Variants in EPS15L1 observed in about 807,000 individuals in gnomAD.
The protein encoded by EPS15L1 is epidermal growth factor receptor substrate 15-like 1.
In EPS15L1, 43 loss-of-function variants were observed where a neutral mutation model predicts 117.1. That is an observed-to-expected ratio of 0.37 (90% CI 0.29 to 0.47). EPS15L1 has a LOEUF of 0.47. EPS15L1 is among the 20% of genes least tolerant of loss of function. The probability of loss-of-function intolerance (pLI) is 0.99; values close to 1 mark genes in which losing one functional copy is unlikely to be tolerated. For synonymous variants in EPS15L1, 459 were observed against 470.5 expected (o/e 0.98, Z 0.32); for missense variants, 981 against 1,164.0 (o/e 0.84, Z 2.29).
At chr19:16,393,233 G>A (rs557412138) in intron 18 of EPS15L1, among the ~76,000 whole-genome samples, 5 of 151,872 alleles carry the variant, frequency 3.3e-5, no homozygotes, top group Non-Finnish European at 2.9e-5. Context: ...CCTTTTGGGG[G>A]GATGAGAATG....
chr19:16,400,545 C>T (rs2092590332), intron 16 of EPS15L1: 3 of 728,842 alleles, frequency 4.1e-6, no homozygotes, highest in South Asian at 6.3e-5. Context: ...ACCTCTCTCT[C>T]GGCTCTGAAG....
rs534704031 is a variant in EPS15L1, at chr19:16,371,662, G to A, written c.2380+5460C>T. Among the ~76,000 whole-genome samples, 43 of 152,312 alleles carry A rather than the reference G, an allele frequency of 2.8e-4. No individual in the cohort carries two copies. The highest frequency in any genetic ancestry group is 8.2e-4 in the African/African-American group (34 of 41,570). On this transcript the variant is annotated intron_variant, in intron 22 of 23. Transcript: ENST00000455140. This position sits in a 1 kb window ranked among gnomAD's most constrained non-coding sequence, Gnocchi z 4.7. ...GGCAGGAACCGCAACGCAGGGCCGC[G>A]CTGGCAGGAAGTGGCAAGGGTGGGG... is the stretch of plus-strand genomic sequence containing the variant.
intron 13 of EPS15L1, among the ~76,000 whole-genome samples, chr19:16,412,155 C>A (rs968784484): frequency 6.6e-6 from 1 of 151,648 alleles, no homozygotes; most frequent in African/African-American, 2.4e-5. Context: ...AGATGCAGAA[C>A]CCTTGGATAC....
At chr19:16,450,901 T>C (rs974208195) in intron 1 of EPS15L1, among the ~76,000 whole-genome samples, 1 of 152,146 alleles carries the variant, frequency 6.6e-6, no homozygotes, top group East Asian at 1.9e-4. Context: ...GATGCAATAC[T>C]GTACCACCAT....
intron 16 of EPS15L1, chr19:16,400,700 T>G (rs1410288722): frequency 3.0e-6 from 3 of 985,328 alleles, no homozygotes; most frequent in East Asian, 2.3e-4. Context: ...GTTGCAAGTT[T>G]CCATGTAACG....
chr19:16,458,424 G>T (rs2093216973), intron 1 of EPS15L1, among the ~76,000 whole-genome samples: 1 of 152,186 alleles, frequency 6.6e-6, no homozygotes, highest in South Asian at 2.1e-4. Flanking sequence ...AAGGACAGGG[G>T]CTCTGTCCTG....
At chr19:16,462,182 AG>A (rs35820633) in intron 1 of EPS15L1, among the ~76,000 whole-genome samples, 1 of 152,230 alleles carries the variant, frequency 6.6e-6, no homozygotes, top group Non-Finnish European at 1.5e-5. Context: ...AAACAAGCAC[AG>A]GGACAATGGC....
intron 22 of EPS15L1, among the ~76,000 whole-genome samples, chr19:16,372,949 A>C (rs186857228): frequency 8.5e-4 from 129 of 152,346 alleles, no homozygotes; most frequent in Middle Eastern, 6.8e-3. Context: ...TCCTGGCCTC[A>C]CACATCAGCC....
chr19:16,429,415 C>T (rs755905497), intron 7 of EPS15L1, among the ~76,000 whole-genome samples: 4 of 152,338 alleles, frequency 2.6e-5, no homozygotes, highest in South Asian at 2.1e-4. Context: ...TGCCAGTCCC[C>T]GGATCTAAGC....
chr19:16,397,375 C>G (rs1041997551), intron 16 of EPS15L1, among the ~76,000 whole-genome samples: 1 of 152,210 alleles, frequency 6.6e-6, no homozygotes, highest in Non-Finnish European at 1.5e-5. Flanking sequence ...CAGGCGTGAG[C>G]CACCGCGCCC....
At chr19:16,418,837 G>C (rs2092785971) in intron 10 of EPS15L1, among the ~76,000 whole-genome samples, 1 of 152,150 alleles carries the variant, frequency 6.6e-6, no homozygotes, top group African/African-American at 2.4e-5. Context: ...CTACAAACTA[G>C]GCAGTGAGCC....
chr19:16,434,552 A>C (rs1361728876), intron 6 of EPS15L1, 62 bp from the exon 7 acceptor site: 1 of 1,552,496 alleles, frequency 6.4e-7, no homozygotes, highest in Non-Finnish European at 8.7e-7. Context: ...GTCCAGACCG[A>C]GCTCTGACCG....
chr19:16,414,456 A>G (rs2092737876), intron 12 of EPS15L1, among the ~76,000 whole-genome samples: 1 of 151,772 alleles, frequency 6.6e-6, no homozygotes. Context: ...GCTGGAGTGC[A>G]GTGGCGCAAT....
chr19:16,424,145 C>T (rs149277443), intron 9 of EPS15L1, among the ~76,000 whole-genome samples: 3 of 152,300 alleles, frequency 2.0e-5, no homozygotes, highest in African/African-American at 7.2e-5. Flanking sequence ...AGTGGCTTCA[C>T]TCAAACCTGG....
intron 21 of EPS15L1, among the ~76,000 whole-genome samples, chr19:16,378,280 A>G (rs920618947): frequency 4.6e-5 from 7 of 151,990 alleles, no homozygotes; most frequent in Non-Finnish European, 1.0e-4. Flanking sequence ...TCGCTGCCCC[A>G]GCTGCCTGAT....
rs547643069 is a variant in EPS15L1 at position 16,430,791 on chromosome 19, A to C, written c.499-2030T>G. 3.7e-4 allele frequency among the ~76,000 whole-genome samples: 56 copies of C among 152,358 alleles called. 1 individual carries two copies. Among genetic ancestry groups the C allele is most frequent in the Middle Eastern group, 3.4e-3 (1 of 294 alleles). ...AGTGCGCACGGATGAATGTATAAAT[A>C]TGGACACACGGGGACATGGCAGCAT... On this transcript the variant is annotated intron_variant, in intron 7 of 23. Coordinates refer to ENST00000455140, the MANE Select transcript of EPS15L1 (RefSeq NM_001258374.3).
rs116054133 is a variant in EPS15L1, at chr19:16,441,198, C to T, written c.166-289G>A. The T allele has an allele frequency of 5.9e-3, 2,667 of 449,246 alleles. 54 individuals carry two copies. Among genetic ancestry groups the T allele is most frequent in the African/African-American group, 0.046 (2,331 of 50,228 alleles). The allele number at this position is 449,246 out of a possible 1,614,324, so 27.8% of individuals were successfully genotyped here. On this transcript the variant is annotated intron_variant, in intron 3 of 23. Transcript: ENST00000455140. ...ACTAAAGTCCGCAAGTGGCCAAGCGCGGTGGTTCACGCCTGTAATCCCAGC... is the reference window on the plus strand; with the variant it reads ...ACTAAAGTCCGCAAGTGGCCAAGCGTGGTGGTTCACGCCTGTAATCCCAGC...
In EPS15L1 at chr19:16,404,667, T is replaced by G. The variant is rs1362722346; in HGVS notation, c.1349A>C (p.Asp450Ala). The change falls in exon 14 of 24, where the codon GAC becomes GCC. Residue 450 changes from aspartate to alanine, a missense_variant. By Grantham distance (126) the Asp-to-Ala change is moderately radical. Around this residue, in one of 5 missense-constraint regions of EPS15L1, gnomAD observed 819 missense variants for 949.0 expected, o/e 0.86. Transcript: ENST00000455140. The surrounding 1 kb of genome is among the most constrained non-coding windows in gnomAD (Gnocchi z 4.2). ...AQKQDAQDRL[D>A]EMDQQKAKLR... ...CTTGGCCTTCTGCTGGTCCATCTCG[T>G]CCAGGCGGTCTTGAGCATCCTGTTT... The G allele has an allele frequency of 1.2e-6, 2 of 1,614,070 alleles. No individual in the cohort carries two copies. Among genetic ancestry groups the G allele is most frequent in the Non-Finnish European group, 1.7e-6 (2 of 1,180,040 alleles).
At chr19:16,397,878 T>A (rs1272419508) in intron 16 of EPS15L1, among the ~76,000 whole-genome samples, 1 of 152,132 alleles carries the variant, frequency 6.6e-6, no homozygotes, top group Non-Finnish European at 1.5e-5. Flanking sequence ...ACACCCTCAG[T>A]GAAAACATGA....
Sources: allele counts gnomAD v4.1 joint callset (sites outside exome capture counted in the v4.1 genomes callset), GRCh38; gene constraint gnomAD v4.1.1; regional missense constraint gnomAD v4.1.1; non-coding constraint Gnocchi (gnomAD v3.1); transcripts MANE v1.5; gene names NCBI Gene and HGNC (gene_info 2026-07-23, HGNC 2026-07-21).